Variants in ADAMTS6 observed in about 807,000 individuals in gnomAD.
ADAMTS6 encodes the protein A disintegrin and metalloproteinase with thrombospondin motifs 6.
In ADAMTS6, 23 loss-of-function variants were observed where a neutral mutation model predicts 144.3. That is an observed-to-expected ratio of 0.16 (90% CI 0.11 to 0.23). ADAMTS6 has a LOEUF of 0.23. Ranked by LOEUF, ADAMTS6 falls within the 10% of genes least tolerant of loss-of-function variation. The pLI is 1.00. For synonymous variants in ADAMTS6, 444 were observed against 457.5 expected (o/e 0.97, Z 0.38); for missense variants, 999 against 1,379.6 (o/e 0.72, Z 4.37).
At chr5:65,279,484 T>C (rs1033904735) in intron 11 of ADAMTS6, among the ~76,000 whole-genome samples, 1 of 151,988 alleles carries the variant, frequency 6.6e-6, no homozygotes, top group Non-Finnish European at 1.5e-5. Flanking sequence ...GCCTGGCTAA[T>C]TTTTGTATTT....
At chr5:65,331,326 G>A (rs1053836775) in intron 8 of ADAMTS6, among the ~76,000 whole-genome samples, 2 of 151,904 alleles carry the variant, frequency 1.3e-5, no homozygotes, top group African/African-American at 4.8e-5. Context: ...TTTTTGGTAT[G>A]TGCCATGTGG....
chr5:65,455,821 A>T (rs935799581), intron 4 of ADAMTS6, among the ~76,000 whole-genome samples: 18 of 151,932 alleles, frequency 1.2e-4, no homozygotes, highest in Admixed American at 1.0e-3. Flanking sequence ...ATAATAATAA[A>T]AAAAACAAAA....
intron 7 of ADAMTS6, among the ~76,000 whole-genome samples, chr5:65,424,976 T>C (rs1016213666): frequency 3.3e-5 from 5 of 152,060 alleles, no homozygotes; most frequent in South Asian, 4.1e-4. Context: ...CTCCTAGTGA[T>C]ATACACAGAT....
intron 7 of ADAMTS6, among the ~76,000 whole-genome samples, chr5:65,429,217 A>G (rs1756801319): frequency 6.6e-6 from 1 of 152,162 alleles, no homozygotes; most frequent in Non-Finnish European, 1.5e-5. Flanking sequence ...CTTAACTGTG[A>G]AGACAGACAC....
intron 7 of ADAMTS6, chr5:65,416,064 A>C: frequency 5.2e-6 from 1 of 192,620 alleles, no homozygotes; most frequent in South Asian, 1.0e-4. Context: ...GGCCAACTTC[A>C]ATGACATCTC....
intron 24 of ADAMTS6, among the ~76,000 whole-genome samples, chr5:65,162,620 T>TACACACACACAC (rs10529076): frequency 4.0e-4 from 58 of 145,936 alleles, no homozygotes; most frequent in African/African-American, 1.4e-3. Flanking sequence ...TATAAGATAC[T>TACACACACACAC]ACACACACAC....
At position 65,208,073 on chromosome 5, in the gene ADAMTS6, G is replaced by A. The variant is rs768292037; in HGVS notation, c.2575+6721C>T. On this transcript the variant is annotated intron_variant, in intron 20 of 24. Transcript: ENST00000381055. ...TATTCCTTCTTTCATTCCCTTCTCTGATGCTCCTCTCTACTTTCCCATCCC... is the reference window on the plus strand; with the variant it reads ...TATTCCTTCTTTCATTCCCTTCTCTAATGCTCCTCTCTACTTTCCCATCCC... 6.0e-4 allele frequency among the ~76,000 whole-genome samples: 91 copies of A among 152,252 alleles called. 3 individuals carry two copies. The highest frequency in any genetic ancestry group is 6.8e-3 in the Middle Eastern group (2 of 294).
At chr5:65,253,810 A>ATT (rs1207584726) in intron 14 of ADAMTS6, among the ~76,000 whole-genome samples, 2 of 121,930 alleles carry the variant, frequency 1.6e-5, no homozygotes, top group Non-Finnish European at 3.4e-5. Context: ...ACAATATTCA[A>ATT]TCTTTTTTTT....
intron 10 of ADAMTS6, chr5:65,297,171 G>A (rs1367378285): frequency 2.2e-6 from 1 of 454,334 alleles, no homozygotes; most frequent in East Asian, 7.0e-5. Flanking sequence ...ACGGAAATGG[G>A]TTCTTTATTA....
chr5:65,354,369 T>A (rs1260680385), intron 7 of ADAMTS6, among the ~76,000 whole-genome samples: 1 of 151,780 alleles, frequency 6.6e-6, no homozygotes, highest in Non-Finnish European at 1.5e-5. Flanking sequence ...GGGAAAATAA[T>A]GGCTACTATA....
intron 14 of ADAMTS6, among the ~76,000 whole-genome samples, chr5:65,254,817 A>G (rs1561336026): frequency 1.3e-5 from 2 of 152,230 alleles, no homozygotes; most frequent in Admixed American, 1.3e-4. Context: ...TTCTAGATTT[A>G]TGTTGAAAGA....
chr5:65,388,445 T>C (rs1259189342), intron 7 of ADAMTS6, among the ~76,000 whole-genome samples: 1 of 152,130 alleles, frequency 6.6e-6, no homozygotes, highest in Non-Finnish European at 1.5e-5. Context: ...CCTAAACTTT[T>C]AGTTTAGGCA....
chr5:65,452,190 G>A lies in ADAMTS6; in HGVS notation c.870C>T (p.Ser290=), dbSNP rs1378983506. The change falls in exon 6 of 25, where the codon AGC becomes AGT. Residue 290 remains serine, a synonymous_variant. Transcript: ENST00000381055. ...CTATAATATTCACAACGTTTCCTAG[G>A]CTGGAATCACGGTAAAGTTTGGCAA... The part of the protein sequence containing the change: ...NIVAKLYRDS[S]LGNVVNIIVA... The A allele has an allele frequency of 2.0e-5, 33 of 1,612,626 alleles. No individual in the cohort carries two copies. The highest frequency in any genetic ancestry group is 2.6e-5 in the Non-Finnish European group (31 of 1,179,164).
intron 7 of ADAMTS6, among the ~76,000 whole-genome samples, chr5:65,394,942 C>G (rs1366703727): frequency 6.6e-6 from 1 of 151,928 alleles, no homozygotes; most frequent in Non-Finnish European, 1.5e-5. Context: ...TATAAATAAT[C>G]CTATGAAGTA....
At chr5:65,407,671 T>C (rs1754663299) in intron 7 of ADAMTS6, among the ~76,000 whole-genome samples, 1 of 152,028 alleles carries the variant, frequency 6.6e-6, no homozygotes, top group Non-Finnish European at 1.5e-5. Flanking sequence ...CATGAACTCA[T>C]CATTTTTTAT....
chr5:65,241,205 ACTTAT>A (rs1436632362), intron 15 of ADAMTS6, among the ~76,000 whole-genome samples: 1 of 151,618 alleles, frequency 6.6e-6, no homozygotes, highest in Non-Finnish European at 1.5e-5. Flanking sequence ...CAAACAGTAA[ACTTAT>A]CTTAAGAGTA....
intron 7 of ADAMTS6, among the ~76,000 whole-genome samples, chr5:65,354,564 A>T (rs974020021): frequency 1.3e-5 from 2 of 151,828 alleles, no homozygotes; most frequent in Non-Finnish European, 3.0e-5. Flanking sequence ...GATATGGCTA[A>T]TTCAGTCGTT....
At chr5:65,306,611 T>A (rs1447028702) in intron 9 of ADAMTS6, among the ~76,000 whole-genome samples, 11 of 152,192 alleles carry the variant, frequency 7.2e-5, no homozygotes, top group Admixed American at 7.2e-4. Context: ...CATTTCAAAT[T>A]TACTAGACAA....
intron 14 of ADAMTS6, among the ~76,000 whole-genome samples, chr5:65,254,080 A>G (rs1380667054): frequency 6.6e-6 from 1 of 151,890 alleles, no homozygotes; most frequent in African/African-American, 2.4e-5. Context: ...CCTGACCTCA[A>G]GTGATCTGCT....
Sources: allele counts gnomAD v4.1 joint callset (sites outside exome capture counted in the v4.1 genomes callset), GRCh38; gene constraint gnomAD v4.1.1; transcripts MANE v1.5; gene names NCBI Gene and HGNC (gene_info 2026-07-23, HGNC 2026-07-21).